Variants in XXYLT1 observed in about 807,000 individuals in gnomAD.
The protein encoded by XXYLT1 is xyloside xylosyltransferase 1.
Under a neutral mutation model 28.9 loss-of-function variants are expected in XXYLT1, and 20 were observed. The ratio of observed to expected loss-of-function variants is 0.69; its 90% CI spans 0.49 to 1.00. XXYLT1 has a LOEUF of 1.00. XXYLT1 is among the 50% of genes least tolerant of loss of function. The pLI is 0.00. For missense variants in XXYLT1, 542 were observed against 560.1 expected, an observed-to-expected ratio of 0.97 and a Z score of 0.33; for synonymous variants, 257 against 253.8, an observed-to-expected ratio of 1.01 and a Z score of -0.12.
At chr3:195,247,626 A>G (rs1725081450) in intron 1 of XXYLT1, 7 of 534,456 alleles carry the variant, frequency 1.3e-5, no homozygotes, top group African/African-American at 9.8e-5. Context: ...CAAGGGGGAG[A>G]GCCATGATCC....
rs1486596272 is a variant in XXYLT1 at position 195,068,945 on chromosome 3, GTC to G, written c.*768_*769del. 2.0e-5 allele frequency: 3 copies of G among 152,212 alleles called. No homozygotes were observed. Among genetic ancestry groups the G allele is most frequent in the Admixed American group, 2.0e-4 (3 of 15,278 alleles). 9.4% of individuals were successfully genotyped at this position (152,212 alleles called of 1,614,324 possible). On this transcript the variant is annotated 3_prime_UTR_variant, in exon 4 of 4. Coordinates refer to ENST00000310380, the MANE Select transcript of XXYLT1 (RefSeq NM_152531.5). ...CTCCTGCATGTCCTTGTGGTGGCCA[GTC>G]TCTGTTCTTTGATGACGAATTTGCT... is the stretch of plus-strand genomic sequence containing the variant.
At chr3:195,194,301 A>T (rs1228135046) in intron 2 of XXYLT1, among the ~76,000 whole-genome samples, 1 of 151,852 alleles carries the variant, frequency 6.6e-6, no homozygotes, top group Non-Finnish European at 1.5e-5. Flanking sequence ...AGATATGCAA[A>T]GGGCTAACAA....
chr3:195,074,116 T>C (rs1244211220), intron 3 of XXYLT1, among the ~76,000 whole-genome samples: 2 of 152,060 alleles, frequency 1.3e-5, no homozygotes, highest in Non-Finnish European at 2.9e-5. Context: ...TCTCAGCTCC[T>C]CAGGTCGAGT....
intron 1 of XXYLT1, among the ~76,000 whole-genome samples, chr3:195,267,830 C>G (rs1725890964): frequency 6.6e-6 from 1 of 152,060 alleles, no homozygotes; most frequent in African/African-American, 2.4e-5. Flanking sequence ...GAACTCCAGA[C>G]AGAGGAAAGG....
chr3:195,267,199 C>T (rs1725873059), intron 1 of XXYLT1, among the ~76,000 whole-genome samples: 1 of 152,268 alleles, frequency 6.6e-6, no homozygotes, highest in Non-Finnish European at 1.5e-5. Context: ...TGCCAGTTCA[C>T]TGTGGCCCTG....
chr3:195,211,599 T>C (rs1005226905), intron 2 of XXYLT1, among the ~76,000 whole-genome samples: 5 of 152,126 alleles, frequency 3.3e-5, no homozygotes, highest in Admixed American at 1.3e-4. Flanking sequence ...CCTGCCCCCA[T>C]GGAGCTTACA....
intron 2 of XXYLT1, chr3:195,184,711 T>C (rs560093552): frequency 1.0e-4 from 103 of 985,266 alleles, no homozygotes; most frequent in Middle Eastern, 5.2e-4. Context: ...CCGGTAAAAC[T>C]TCCAATATTT....
intron 2 of XXYLT1, among the ~76,000 whole-genome samples, chr3:195,172,372 G>A (rs989123379): frequency 2.0e-5 from 3 of 152,220 alleles, no homozygotes; most frequent in Non-Finnish European, 2.9e-5. Context: ...ACTGCTGAAC[G>A]TGAGCACGGT....
chr3:195,103,061 T>C (rs1716878161), intron 3 of XXYLT1, among the ~76,000 whole-genome samples: 2 of 152,206 alleles, frequency 1.3e-5, no homozygotes, highest in African/African-American at 2.4e-5. Context: ...CAGATTTTTA[T>C]ATGTCTAAGG....
intron 3 of XXYLT1, among the ~76,000 whole-genome samples, chr3:195,125,538 G>A (rs1448430875): frequency 1.3e-5 from 2 of 152,222 alleles, no homozygotes; most frequent in Non-Finnish European, 2.9e-5. Context: ...AGCCCAGGAA[G>A]GGCAGCAAAG....
At chr3:195,189,380 C>A (rs1346259028) in intron 2 of XXYLT1, among the ~76,000 whole-genome samples, 1 of 152,004 alleles carries the variant, frequency 6.6e-6, no homozygotes, top group Non-Finnish European at 1.5e-5. Flanking sequence ...AGGGAAAATA[C>A]CAGAAATCAG....
At position 195,256,566 on chromosome 3, in the gene XXYLT1, A is replaced by T; in HGVS notation, c.504+13989T>A. 1 of 985,296 alleles carries T rather than the reference A, an allele frequency of 1.0e-6. No individual in the cohort carries two copies. Among genetic ancestry groups the T allele is most frequent in the Non-Finnish European group, 1.2e-6 (1 of 829,900 alleles). 61.0% of individuals were successfully genotyped at this position (985,296 alleles called of 1,614,324 possible). ...AAGAGCAGCCTCCTCACACCCCGCA[A>T]CTTCTCACCCGCACATTCAGGATGG... On this transcript the variant is annotated intron_variant, in intron 1 of 3. Transcript: ENST00000310380. This position sits in a 1 kb window ranked among gnomAD's most constrained non-coding sequence, Gnocchi z 4.2.
intron 1 of XXYLT1, among the ~76,000 whole-genome samples, chr3:195,230,686 T>C (rs932623748): frequency 4.6e-5 from 7 of 152,290 alleles, no homozygotes; most frequent in Middle Eastern, 3.4e-3. Context: ...TATGAGTTCA[T>C]TGTAGATGTA....
At chr3:195,148,301 G>A (rs1719979107) in intron 3 of XXYLT1, among the ~76,000 whole-genome samples, 1 of 152,178 alleles carries the variant, frequency 6.6e-6, no homozygotes, top group African/African-American at 2.4e-5. Context: ...ACGGCCTCCA[G>A]GTCACACGGG....
intron 2 of XXYLT1, among the ~76,000 whole-genome samples, chr3:195,194,758 C>T (rs147752031): frequency 3.2e-3 from 481 of 152,248 alleles, no homozygotes; most frequent in Non-Finnish European, 5.1e-3. Context: ...CATGCTACAA[C>T]ATGGATGAAC....
intron 1 of XXYLT1, among the ~76,000 whole-genome samples, chr3:195,235,899 TAG>T (rs1724517261): frequency 1.8e-5 from 2 of 112,546 alleles, no homozygotes; most frequent in African/African-American, 1.2e-4. Flanking sequence ...TATATAGACA[TAG>T]ACATAGACAT....
intron 1 of XXYLT1, among the ~76,000 whole-genome samples, chr3:195,234,120 T>C (rs1307656590): frequency 6.6e-6 from 1 of 150,960 alleles, no homozygotes; most frequent in African/African-American, 2.4e-5. Context: ...GGTTTCACCA[T>C]GTTAGCCAGG....
At chr3:195,156,068 T>C (rs1011798982) in intron 3 of XXYLT1, among the ~76,000 whole-genome samples, 11 of 152,190 alleles carry the variant, frequency 7.2e-5, no homozygotes, top group Non-Finnish European at 1.5e-4. Flanking sequence ...ACTCTGCTAA[T>C]AGAGAATGGG....
chr3:195,175,946 T>A (rs1721645459), intron 2 of XXYLT1: 2 of 1,369,732 alleles, frequency 1.5e-6, no homozygotes, highest in Non-Finnish European at 1.9e-6. Context: ...ATGTTTGTTA[T>A]TACAGCCCAG....
Sources: gnomAD v4.1 joint callset for allele counts (sites outside exome capture counted in the v4.1 genomes callset) on GRCh38, gnomAD v4.1.1 for gene constraint, Gnocchi (gnomAD v3.1) non-coding constraint, MANE v1.5 for transcripts, NCBI Gene and HGNC (gene_info 2026-07-23, HGNC 2026-07-21) for gene names.